DNAH12: variants seen among roughly 807,000 people sequenced by gnomAD.
DNAH12 encodes axonemal beta dynein heavy chain 12.
In DNAH12, 285 loss-of-function variants were observed where a neutral mutation model predicts 371.5. The observed-to-expected ratio is 0.77, with a 90% CI of 0.70 to 0.85. The LOEUF (loss-of-function observed/expected upper bound fraction) is 0.85. DNAH12 is among the 40% of genes least tolerant of loss of function. The pLI, the probability that DNAH12 is intolerant of heterozygous loss-of-function variation, is 0.00. For synonymous variants in DNAH12, 1,200 were observed against 1,213.0 expected (o/e 0.99, Z 0.22); for missense variants, 3,611 against 3,689.4 (o/e 0.98, Z 0.55).
chr3:57,542,921 A>G lies in DNAH12; in HGVS notation c.-33-18T>C. 6.8e-7 allele frequency: 1 copy of G among 1,475,190 alleles called. No individual in the cohort carries two copies. Among genetic ancestry groups the G allele is most frequent in the Non-Finnish European group, 9.0e-7 (1 of 1,115,494 alleles). 91.4% of individuals were successfully genotyped at this position (1,475,190 alleles called of 1,614,324 possible). A position where few individuals can be genotyped will look rare whatever the true frequency, so the allele number is the denominator to read the frequency against. ...TCTGTACTCTGAGGAGAAAAAGTCC[A>G]TAAAGCCATTATTATGTCAGCAAGC... On this transcript the variant is annotated intron_variant, in intron 1 of 73. Transcript: ENST00000495027.
intron 4 of DNAH12, among the ~76,000 whole-genome samples, chr3:57,517,620 T>A (rs1178079708): frequency 6.6e-6 from 1 of 152,160 alleles, no homozygotes; most frequent in Admixed American, 6.5e-5. Flanking sequence ...TAATTATGTA[T>A]CTATAACTTA....
intron 66 of DNAH12, among the ~76,000 whole-genome samples, chr3:57,311,850 A>G (rs1393358397): frequency 6.6e-6 from 1 of 152,368 alleles, no homozygotes; most frequent in African/African-American, 2.4e-5. Context: ...CTGGCAATAC[A>G]TATCATTTCT....
chr3:57,502,511 C>T, intron 9 of DNAH12, 32 bp from the exon 10 acceptor site: 2 of 1,581,822 alleles, frequency 1.3e-6, no homozygotes, highest in Non-Finnish European at 1.7e-6. Context: ...ACAATGTATA[C>T]AATAAATATC....
chr3:57,525,930 T>A (rs897894790), intron 2 of DNAH12, among the ~76,000 whole-genome samples: 1 of 151,776 alleles, frequency 6.6e-6, no homozygotes, highest in Non-Finnish European at 1.5e-5. Flanking sequence ...CCTGGCTAAT[T>A]TTTTGTATTT....
chr3:57,485,591 G>A (rs887070009), intron 12 of DNAH12, among the ~76,000 whole-genome samples: 41 of 81,162 alleles, frequency 5.1e-4, no homozygotes, highest in Middle Eastern at 6.8e-3. Flanking sequence ...GAGTAGAGAT[G>A]GGGTTTCACA....
chr3:57,443,292 C>T (rs144181303), intron 29 of DNAH12, among the ~76,000 whole-genome samples: 5,389 of 151,878 alleles, frequency 0.035, 92 homozygotes, highest in African/African-American at 0.045. Flanking sequence ...GTATTTTTAG[C>T]AGAGACAGGG....
chr3:57,345,421 A>G (rs974314183), intron 60 of DNAH12, among the ~76,000 whole-genome samples: 4 of 152,210 alleles, frequency 2.6e-5, no homozygotes, highest in Non-Finnish European at 5.9e-5. Context: ...GGCACTTTGT[A>G]TGGGTCTTAT....
chr3:57,506,716 A>G (rs993918718), intron 8 of DNAH12, among the ~76,000 whole-genome samples: 1 of 152,184 alleles, frequency 6.6e-6, no homozygotes, highest in Non-Finnish European at 1.5e-5. Flanking sequence ...TGCTGGTATT[A>G]GAGGTGTGAG....
intron 43 of DNAH12, among the ~76,000 whole-genome samples, chr3:57,399,240 G>A (rs1022118097): frequency 7.9e-5 from 12 of 151,658 alleles, no homozygotes; most frequent in South Asian, 2.1e-4. Context: ...CATAAAAGGC[G>A]GCAATAAAAG....
At chr3:57,490,991 A>C (rs1322058580) in intron 11 of DNAH12, among the ~76,000 whole-genome samples, 1 of 148,718 alleles carries the variant, frequency 6.7e-6, no homozygotes, top group Non-Finnish European at 1.5e-5. Flanking sequence ...CAAGAGGCTG[A>C]GAATCGCTTG....
chr3:57,491,619 A>C (rs1016711258), intron 11 of DNAH12, among the ~76,000 whole-genome samples: 2 of 152,028 alleles, frequency 1.3e-5, no homozygotes, highest in Non-Finnish European at 1.5e-5. Context: ...ATTTTTACAC[A>C]AATCACAAGC....
intron 19 of DNAH12, among the ~76,000 whole-genome samples, chr3:57,460,503 G>A (rs940066217): frequency 1.3e-5 from 2 of 151,930 alleles, no homozygotes; most frequent in South Asian, 2.1e-4. Flanking sequence ...TCATATCTTC[G>A]ATTTTTAAAA....
chr3:57,457,804 G>C lies in DNAH12; in HGVS notation c.3253C>G (p.Arg1085Gly). 2 of 1,551,494 alleles carry C rather than the reference G, an allele frequency of 1.3e-6. No individual in the cohort carries two copies. The highest frequency in any genetic ancestry group is 1.7e-6 in the Non-Finnish European group (2 of 1,146,958). Residue 1085 changes from arginine to glycine, a missense_variant, in exon 22 of 74, where the codon CGG (arginine) becomes GGG (glycine). Transcript: ENST00000495027. The stretch of plus-strand genomic sequence containing the variant: ...ATGAGCCACTTTTCCACAGCACCCC[G>C]CGCTGCAGACGTGGAAATGAGTGCA... ...LIALISTSAA[R>G]GAVEKWLIQV...
At chr3:57,320,987 A>G (rs1468426246) in intron 65 of DNAH12, among the ~76,000 whole-genome samples, 2 of 152,206 alleles carry the variant, frequency 1.3e-5, no homozygotes, top group African/African-American at 4.8e-5. Flanking sequence ...AAATCCCAAT[A>G]CTTACGGTGC....
intron 25 of DNAH12, among the ~76,000 whole-genome samples, chr3:57,452,505 T>C (rs1353693591): frequency 6.6e-6 from 1 of 152,112 alleles, no homozygotes; most frequent in African/African-American, 2.4e-5. Context: ...CAAATGTACT[T>C]TTCTCATCTT....
At chr3:57,501,999 T>C (rs1033124775) in intron 10 of DNAH12, among the ~76,000 whole-genome samples, 1 of 151,730 alleles carries the variant, frequency 6.6e-6, no homozygotes, top group Non-Finnish European at 1.5e-5. Flanking sequence ...CTCCGCCTCC[T>C]GGGTTCACGC....
intron 29 of DNAH12, among the ~76,000 whole-genome samples, chr3:57,441,755 G>C (rs2065312718): frequency 6.6e-6 from 1 of 152,086 alleles, no homozygotes; most frequent in Non-Finnish European, 1.5e-5. Flanking sequence ...TCATGCCACT[G>C]CACTCCAGCC....
chr3:57,489,537 C>T lies in DNAH12; in HGVS notation c.1486G>A (p.Ala496Thr), dbSNP rs375243435. ...TCATTTTCTTTTCTATATTTTGAAG[C>T]TATGTCATTTAATAATATGTTTGCA... Reference protein sequence around the residue: ...AFANILLNDIASKYRKENECI... With the variant: ...AFANILLNDITSKYRKENECI... The change falls in exon 12 of 74, where the codon GCT becomes ACT. Residue 496 changes from alanine to threonine, a missense_variant. By Grantham distance (58) the Ala-to-Thr change is moderately conservative. Around this residue, in one of 3 missense-constraint regions of DNAH12, gnomAD observed 1,314 missense variants for 1,398.7 expected, o/e 0.94. Coordinates refer to ENST00000495027, the MANE Select transcript of DNAH12 (RefSeq NM_001366028.2). The T allele has an allele frequency of 6.6e-6, 10 of 1,514,958 alleles. No homozygotes were observed. Among genetic ancestry groups the T allele is most frequent in the East Asian group, 2.5e-5 (1 of 39,314 alleles). The allele number at this position is 1,514,958 out of a possible 1,614,324, so 93.8% of individuals were successfully genotyped here. A position where few individuals can be genotyped will look rare whatever the true frequency, so the allele number is the denominator to read the frequency against.
the DNAH12 span, among the ~76,000 whole-genome samples, chr3:57,550,857 TA>T: frequency 2.5e-4 from 38 of 151,846 alleles, no homozygotes; most frequent in Non-Finnish European, 4.3e-4. Context: ...TTTTTTTTGT[TA>T]TTGTTTCAGT....
Sources: gnomAD v4.1 joint callset for allele counts (sites outside exome capture counted in the v4.1 genomes callset) on GRCh38, gnomAD v4.1.1 for gene constraint, gnomAD v4.1.1 regional missense constraint, MANE v1.5 for transcripts, NCBI Gene and HGNC (gene_info 2026-07-23, HGNC 2026-07-21) for gene names.